Variants in LAMA3 observed in about 807,000 individuals in gnomAD.
The protein encoded by LAMA3 is laminin subunit alpha-3.
LAMA3 carries 281 observed loss-of-function variants against 402.0 expected under a neutral mutation model. The observed-to-expected ratio is 0.70, with a 90% CI of 0.63 to 0.77. The LOEUF is 0.77. Ranked by LOEUF, LAMA3 falls within the 30% of genes least tolerant of loss-of-function variation. LAMA3 has a pLI of 0.00. For missense variants in LAMA3, 3,840 were observed against 4,215.5 expected, an observed-to-expected ratio of 0.91 and a Z score of 2.47; for synonymous variants, 1,431 against 1,558.4, an observed-to-expected ratio of 0.92 and a Z score of 1.93.
At position 23,931,125 on chromosome 18, in the gene LAMA3, G is replaced by C. The variant is rs1154233; in HGVS notation, c.8500G>C (p.Gly2834Arg). The change falls in exon 65 of 75, where the codon GGC becomes CGC. Residue 2834 changes from glycine to arginine, a missense_variant. Coordinates refer to ENST00000313654, the MANE Select transcript of LAMA3 (RefSeq NM_198129.4). ...YIELSTSDSG[G>R]PIFKSPQTYM... ...TGAATTGAGCACCAGCGATAGCGGC[G>C]GCCCAATTTTTAAATCTCCACAGAC... 6.2e-7 allele frequency: 1 copy of C among 1,612,962 alleles called. No individual in the cohort carries two copies. Among genetic ancestry groups the C allele is most frequent in the Non-Finnish European group, 8.5e-7 (1 of 1,178,962 alleles).
intron 73 of LAMA3, among the ~76,000 whole-genome samples, chr18:23,952,745 T>A (rs534626576): frequency 6.0e-4 from 91 of 152,336 alleles, no homozygotes; most frequent in African/African-American, 2.2e-3. Context: ...CATTCTCTTA[T>A]CTGGGAAATG....
rs2063343821 is a variant in LAMA3 at position 23,824,507 on chromosome 18, C to A, written c.2513C>A (p.Pro838Gln). The change falls in exon 21 of 75, where the codon CCA (proline) becomes CAA (glutamine). Residue 838 changes from proline (P) to glutamine (Q), a missense_variant. By Grantham distance (76) the Pro-to-Gln change is moderately conservative. This residue lies in a region of LAMA3 where 2,109 missense variants were observed against 2,376.0 expected (regional missense o/e 0.89). Transcript: ENST00000313654. ...GTCCCTGGAAATGGTTTTGCAGACC[C>A]ATTTTCAATCACACCAGGAATATGG... ...VTVPGNGFAD[P>Q]FSITPGIWVA... 6.2e-7 allele frequency: 1 copy of A among 1,613,976 alleles called. No individual in the cohort carries two copies. The highest frequency in any genetic ancestry group is 1.7e-5 in the Admixed American group (1 of 60,002).
chr18:23,872,709 G>C (rs1393030658), intron 38 of LAMA3: 6 of 340,672 alleles, frequency 1.8e-5, no homozygotes, highest in Non-Finnish European at 3.4e-5. Context: ...TTGATAGCCC[G>C]AGGGAAAGAG....
chr18:23,728,086 G>A (rs926656650), intron 2 of LAMA3, among the ~76,000 whole-genome samples: 3 of 152,148 alleles, frequency 2.0e-5, no homozygotes, highest in African/African-American at 7.2e-5. Context: ...ATCCTGAAAA[G>A]GCCTCCTCTT....
intron 12 of LAMA3, among the ~76,000 whole-genome samples, chr18:23,801,328 A>G (rs1043972747): frequency 2.6e-5 from 4 of 152,194 alleles, no homozygotes; most frequent in Non-Finnish European, 5.9e-5. Context: ...GTGAAGGCTG[A>G]AAAACTACCT....
intron 3 of LAMA3, 87 bp downstream of exon 3, chr18:23,748,147 G>A (rs2061683503): frequency 1.1e-6 from 1 of 925,528 alleles, no homozygotes; most frequent in African/African-American, 1.6e-5. Context: ...AATTAATCTT[G>A]GCTGGGTGTG....
chr18:23,894,824 C>A, intron 43 of LAMA3, 83 bp from the exon 44 acceptor site: 1 of 1,567,006 alleles, frequency 6.4e-7, no homozygotes, highest in Non-Finnish European at 8.8e-7. Context: ...TGCATGCCAA[C>A]TGGGCTGCAT....
At chr18:23,916,168 T>C (rs2081614386) in intron 59 of LAMA3, among the ~76,000 whole-genome samples, 1 of 152,102 alleles carries the variant, frequency 6.6e-6, no homozygotes, top group Non-Finnish European at 1.5e-5. Flanking sequence ...TCCCTACAAT[T>C]ACAAGGACAT....
intron 8 of LAMA3, among the ~76,000 whole-genome samples, chr18:23,768,736 C>G (rs2062131603): frequency 6.6e-6 from 1 of 152,128 alleles, no homozygotes; most frequent in African/African-American, 2.4e-5. Context: ...TGGAATCAAC[C>G]TTGGTGCCTA....
chr18:23,858,909 G>A, intron 34 of LAMA3, 80 bp downstream of exon 34: 1 of 1,411,690 alleles, frequency 7.1e-7, no homozygotes, highest in African/African-American at 1.4e-5. Flanking sequence ...GCTGCTCCTT[G>A]GCCTGCAGTG....
intron 22 of LAMA3, 152 bp downstream of exon 22, chr18:23,826,951 T>A (rs2063394653): frequency 3.0e-6 from 2 of 656,698 alleles, no homozygotes; most frequent in Admixed American, 4.8e-5. Context: ...TTACTTGTGT[T>A]CTTCAAGTAA....
chr18:23,802,280 G>A (rs942111079), intron 12 of LAMA3, among the ~76,000 whole-genome samples: 1 of 152,180 alleles, frequency 6.6e-6, no homozygotes, highest in Non-Finnish European at 1.5e-5. Context: ...AACTGTATTT[G>A]TAACTACCTT....
At chr18:23,850,186 A>C (rs1334140349) in intron 32 of LAMA3, among the ~76,000 whole-genome samples, 1 of 152,244 alleles carries the variant, frequency 6.6e-6, no homozygotes. Flanking sequence ...CAGTTGTACA[A>C]ATCATCACAA....
intron 12 of LAMA3, among the ~76,000 whole-genome samples, chr18:23,800,088 C>A (rs1439470813): frequency 6.6e-6 from 1 of 152,218 alleles, no homozygotes; most frequent in Non-Finnish European, 1.5e-5. Flanking sequence ...GTAGCCTAGT[C>A]AAGTTAACAT....
At chr18:23,876,259 C>G (rs776670521) in intron 38 of LAMA3, 35 bp from the exon 39 acceptor site, 1 of 1,378,914 alleles carries the variant, frequency 7.3e-7, no homozygotes, top group East Asian at 2.3e-5. Flanking sequence ...TGTTTTCTTT[C>G]TTTGTATTGA....
chr18:23,908,074 T>C, intron 54 of LAMA3, 139 bp downstream of exon 54: 1 of 818,980 alleles, frequency 1.2e-6, no homozygotes, highest in Non-Finnish European at 2.1e-6. Context: ...ATACAGGATA[T>C]ATTCAAAGCG....
intron 70 of LAMA3, among the ~76,000 whole-genome samples, chr18:23,948,742 G>A (rs1318779810): frequency 6.6e-6 from 1 of 151,884 alleles, no homozygotes; most frequent in Non-Finnish European, 1.5e-5. Flanking sequence ...GCTAATTTTT[G>A]TATTTTTAGT....
intron 58 of LAMA3, 115 bp from the exon 59 acceptor site, chr18:23,915,174 G>T: frequency 8.2e-7 from 1 of 1,215,096 alleles, no homozygotes; most frequent in South Asian, 1.3e-5. Context: ...TTGTTCCAGG[G>T]TTCACATTCT....
At chr18:23,727,855 C>T (rs1184005568) in intron 2 of LAMA3, among the ~76,000 whole-genome samples, 1 of 152,102 alleles carries the variant, frequency 6.6e-6, no homozygotes, top group East Asian at 1.9e-4. Flanking sequence ...TCAACCACCC[C>T]AGTAGCTAGG....
Sources: allele counts gnomAD v4.1 joint callset (sites outside exome capture counted in the v4.1 genomes callset), GRCh38; gene constraint gnomAD v4.1.1; regional missense constraint gnomAD v4.1.1; transcripts MANE v1.5; gene names NCBI Gene and HGNC (gene_info 2026-07-23, HGNC 2026-07-21).